Variants in SRCAP observed in about 807,000 individuals in gnomAD.
SRCAP encodes the protein chromatin remodeling protein SRCAP.
Under a neutral mutation model 263.1 loss-of-function variants are expected in SRCAP, and 46 were observed. That is an observed-to-expected ratio of 0.17 (90% CI 0.14 to 0.22). The LOEUF is 0.22. SRCAP is among the 10% of genes least tolerant of loss of function. The pLI is 1.00. For missense variants in SRCAP, 3,695 were observed against 4,181.9 expected, an observed-to-expected ratio of 0.88 and a Z score of 3.21; for synonymous variants, 1,813 against 1,662.1, an observed-to-expected ratio of 1.09 and a Z score of -2.21.
intron 18 of SRCAP, among the ~76,000 whole-genome samples, chr16:30,718,343 A>G (rs2052974252): frequency 1.3e-5 from 2 of 151,322 alleles, no homozygotes; most frequent in East Asian, 2.0e-4. Flanking sequence ...CGCCCAGCTA[A>G]TTTTTGTATT....
rs186640021 is a variant in SRCAP, at chr16:30,707,057, A to G, written c.307-126A>G. The G allele has an allele frequency of 1.2e-4, 107 of 861,670 alleles. 1 individual carries two copies. Among genetic ancestry groups the G allele is most frequent in the East Asian group, 9.2e-4 (35 of 37,906 alleles). The allele number at this position is 861,670 out of a possible 1,614,324, so 53.4% of individuals were successfully genotyped here. A position where few individuals can be genotyped will look rare whatever the true frequency, so the allele number is the denominator to read the frequency against. Reference sequence around the variant, plus strand: ...GAAGAGAGTATGATACCTGCCTGTAAGTTTGGTATGTGGACTAAACATAAG... The same window carrying G: ...GAAGAGAGTATGATACCTGCCTGTAGGTTTGGTATGTGGACTAAACATAAG... On this transcript the variant is annotated intron_variant, in intron 4 of 33. Transcript: ENST00000262518.
rs185728808 is a variant in SRCAP at position 30,717,971 on chromosome 16, C to G, written c.2817+1492C>G. On this transcript the variant is annotated intron_variant, in intron 18 of 33. Coordinates refer to ENST00000262518, the MANE Select transcript of SRCAP (RefSeq NM_006662.3). ...ATGGTGTCTTGCCATGTCGCTCAGGCTGGTTTCAAACTCCTGGACGAGTAG... is the reference window on the plus strand; with the variant it reads ...ATGGTGTCTTGCCATGTCGCTCAGGGTGGTTTCAAACTCCTGGACGAGTAG... Among the ~76,000 whole-genome samples, 199 of 150,246 alleles carry G rather than the reference C, an allele frequency of 1.3e-3. 1 individual carries two copies. The highest frequency in any genetic ancestry group is 2.5e-3 in the Non-Finnish European group (168 of 67,742).
chr16:30,722,553 C>T lies in SRCAP; in HGVS notation c.3707-10C>T, dbSNP rs2053021167. 2 of 1,613,542 alleles carry T rather than the reference C, an allele frequency of 1.2e-6. No individual in the cohort carries two copies. Among genetic ancestry groups the T allele is most frequent in the African/African-American group, 2.7e-5 (2 of 74,916 alleles). On this transcript the variant is annotated splice_polypyrimidine_tract_variant and intron_variant, in intron 22 of 33. Transcript: ENST00000262518. ...GCTTCTCTCTCTCTTTCTCTCTTCC[C>T]TTAACCCAGGGAATGTGGTGCACCT...
chr16:30,733,770 G>C lies in SRCAP; in HGVS notation c.6466G>C (p.Gly2156Arg). Residue 2156 changes from glycine to arginine, a missense_variant, in exon 29 of 34, where the codon GGC becomes CGC. By Grantham distance (125) the Gly-to-Arg change is moderately radical. This residue lies in a region of SRCAP where 138 missense variants were observed against 254.9 expected (regional missense o/e 0.54). Transcript: ENST00000262518. This position sits in a 1 kb window ranked among gnomAD's most constrained non-coding sequence, Gnocchi z 5.3. ...GGCCCAGGACCGCTGTCACCGAATTGGCCAGACCCGGGATGTCCACATATA... is the reference window on the plus strand; with the variant it reads ...GGCCCAGGACCGCTGTCACCGAATTCGCCAGACCCGGGATGTCCACATATA... ...AQAQDRCHRI[G>R]QTRDVHIYRL... is the part of the protein sequence containing the mutation. 6.2e-7 allele frequency: 1 copy of C among 1,613,958 alleles called. No homozygotes were observed. Among genetic ancestry groups the C allele is most frequent in the Non-Finnish European group, 8.5e-7 (1 of 1,179,938 alleles).
intron 25 of SRCAP, among the ~76,000 whole-genome samples, chr16:30,727,428 T>C (rs1275018100): frequency 6.6e-6 from 1 of 152,222 alleles, no homozygotes; most frequent in African/African-American, 2.4e-5. Flanking sequence ...TGTCTCACTT[T>C]GTCAATCAGG....
In SRCAP at chr16:30,733,185, G is replaced by T. The variant is rs995193847; in HGVS notation, c.6128-95G>T. 6 of 1,421,320 alleles carry T rather than the reference G, an allele frequency of 4.2e-6. No homozygotes were observed. Among genetic ancestry groups the T allele is most frequent in the African/African-American group, 2.8e-5 (2 of 70,422 alleles). 88.0% of individuals were successfully genotyped at this position (1,421,320 alleles called of 1,614,324 possible). A position where few individuals can be genotyped will look rare whatever the true frequency, so the allele number is the denominator to read the frequency against. ...AGGCTAATTGAAACTTTGGCTTAAA[G>T]CATTGATTATCTTTCAACCCCAGCC... On this transcript the variant is annotated intron_variant, in intron 27 of 33. Transcript: ENST00000262518. The surrounding 1 kb of genome is among the most constrained non-coding windows in gnomAD (Gnocchi z 5.3).
intron 25 of SRCAP, among the ~76,000 whole-genome samples, chr16:30,727,616 G>A (rs868612797): frequency 4.6e-5 from 7 of 152,200 alleles, no homozygotes; most frequent in African/African-American, 7.2e-5. Flanking sequence ...GCAGTGGTGC[G>A]ATCTCAGCTC....
intron 27 of SRCAP, among the ~76,000 whole-genome samples, chr16:30,732,146 A>G (rs2053119977): frequency 6.6e-6 from 1 of 151,622 alleles, no homozygotes; most frequent in Non-Finnish European, 1.5e-5. Context: ...CCTTGTCTCA[A>G]AAAATGAAAT....
rs1385696278 is a variant in SRCAP at position 30,713,534 on chromosome 16, C to T, written c.2316C>T (p.Leu772=). 6.2e-7 allele frequency: 1 copy of T among 1,614,000 alleles called. No individual in the cohort carries two copies. Among genetic ancestry groups the T allele is most frequent in the Non-Finnish European group, 8.5e-7 (1 of 1,180,018 alleles). Residue 772 remains leucine (L), a synonymous_variant, in exon 16 of 34, where the codon CTC becomes CTT. Coordinates refer to ENST00000262518, the MANE Select transcript of SRCAP (RefSeq NM_006662.3). ...LLNFNSQRRL[L]LTGTPLQNSL... Reference sequence around the variant, plus strand: ...CTCTTTGCAGCCAGAGACGCCTGCTCCTGACAGGAACTCCCTTGCAGAACA... The same window carrying T: ...CTCTTTGCAGCCAGAGACGCCTGCTTCTGACAGGAACTCCCTTGCAGAACA...
Position 30,729,113 on chromosome 16 carries a change from A to T in SRCAP, c.5806A>T (p.Ile1936Phe), listed in dbSNP as rs1332673870. ...CCTGCCCCAACCTGTTGCCAGCCCCATCGGCCCTCGTTCTCCTGGCCCCAG... is the reference window on the plus strand; with the variant it reads ...CCTGCCCCAACCTGTTGCCAGCCCCTTCGGCCCTCGTTCTCCTGGCCCCAG... The part of the protein sequence containing the change: ...CTLPQPVASP[I>F]GPRSPGPSHP... The change falls in exon 26 of 34, where the codon ATC becomes TTC. Residue 1936 changes from isoleucine (I) to phenylalanine (F), a missense_variant. Coordinates refer to ENST00000262518, the MANE Select transcript of SRCAP (RefSeq NM_006662.3). The T allele has an allele frequency of 6.2e-7, 1 of 1,614,176 alleles. No homozygotes were observed. Among genetic ancestry groups the T allele is most frequent in the South Asian group, 1.1e-5 (1 of 91,086 alleles).
At chr16:30,732,027 C>T (rs2053118922) in intron 27 of SRCAP, among the ~76,000 whole-genome samples, 1 of 151,840 alleles carries the variant, frequency 6.6e-6, no homozygotes, top group Admixed American at 6.6e-5. Flanking sequence ...CGCCTGTAGT[C>T]CAAACTACTT....
At chr16:30,703,821 C>T (rs971953482) in intron 3 of SRCAP, among the ~76,000 whole-genome samples, 6 of 151,998 alleles carry the variant, frequency 3.9e-5, no homozygotes, top group African/African-American at 7.2e-5. Context: ...GGCATGAACC[C>T]GGGAGGCGGA....
chr16:30,724,021 C>T lies in SRCAP; in HGVS notation c.4597C>T (p.His1533Tyr). ...HPLLLAPTSSHVPGLNSTVAP... is the reference protein window; with the variant it reads ...HPLLLAPTSSYVPGLNSTVAP... ...TCTGTTGTTGGCTCCCACCTCTTCA[C>T]ATGTTCCAGGGTTGAACTCAACCGT... Residue 1533 changes from histidine to tyrosine, a missense_variant, in exon 25 of 34, where the codon CAT becomes TAT. This residue lies in a region of SRCAP where 1,347 missense variants were observed against 1,304.4 expected (regional missense o/e 1.03). Transcript: ENST00000262518. 1 of 1,614,032 alleles carries T rather than the reference C, an allele frequency of 6.2e-7. No homozygotes were observed. Among genetic ancestry groups the T allele is most frequent in the Non-Finnish European group, 8.5e-7 (1 of 1,180,024 alleles).
intron 31 of SRCAP, 124 bp from the exon 32 acceptor site, chr16:30,736,076 T>C: frequency 9.0e-7 from 1 of 1,108,372 alleles, no homozygotes; most frequent in Non-Finnish European, 1.3e-6. Flanking sequence ...CCTAGGAGGT[T>C]GTTGAGTTCT....
At chr16:30,713,753 G>A (rs1466229753) in intron 16 of SRCAP, 42 bp downstream of exon 16, 1 of 1,584,086 alleles carries the variant, frequency 6.3e-7, no homozygotes, top group Non-Finnish European at 8.6e-7. Context: ...GGAATGGTAA[G>A]GAACCATTCC....
Position 30,737,838 on chromosome 16 carries a change from C to A in SRCAP, c.7798C>A (p.Leu2600Ile). The change falls in exon 34 of 34, where the codon CTT becomes ATT. Residue 2600 changes from leucine (L) to isoleucine (I), a missense_variant. Leu to Ile is a conservative substitution (Grantham distance 5, BLOSUM62 2). Coordinates refer to ENST00000262518, the MANE Select transcript of SRCAP (RefSeq NM_006662.3). ...GATCCTGCCTGTGTCAGAGAAGAACCTTTCTCTCACCCCTTCTGCACCCAG... is the reference window on the plus strand; with the variant it reads ...GATCCTGCCTGTGTCAGAGAAGAACATTTCTCTCACCCCTTCTGCACCCAG... ...VEILPVSEKNLSLTPSAPSLT... is the reference protein window; with the variant it reads ...VEILPVSEKNISLTPSAPSLT... 5.0e-6 allele frequency: 8 copies of A among 1,614,160 alleles called. No homozygotes were observed. Among genetic ancestry groups the A allele is most frequent in the Non-Finnish European group, 5.9e-6 (7 of 1,180,044 alleles).
At position 30,721,498 on chromosome 16, in the gene SRCAP, GT is replaced by G. The variant is rs772064686; in HGVS notation, c.3541+23del. The G allele has an allele frequency of 2.9e-5, 47 of 1,601,624 alleles. 1 individual carries two copies. Among genetic ancestry groups the G allele is most frequent in the Non-Finnish European group, 1.3e-5 (15 of 1,177,196 alleles). On this transcript the variant is annotated intron_variant, in intron 21 of 33. Transcript: ENST00000262518. The stretch of plus-strand genomic sequence containing the variant: ...CCCTGTAAGTTCCCAGGGCTCTGTG[GT>G]GAGGGACTTGAGATGGGAGGAAAGC...
rs1322050426 is a variant in SRCAP at position 30,721,305 on chromosome 16, T to C, written c.3370T>C (p.Ser1124Pro). The C allele has an allele frequency of 6.8e-6, 11 of 1,614,044 alleles. No homozygotes were observed. Among genetic ancestry groups the C allele is most frequent in the Non-Finnish European group, 9.3e-6 (11 of 1,179,992 alleles). The change falls in exon 21 of 34, where the codon TCC becomes CCC. Residue 1124 changes from serine (S) to proline (P), a missense_variant. Ser to Pro is a moderately conservative substitution (Grantham distance 74, BLOSUM62 -1). Transcript: ENST00000262518. ...CCTGAGCCCAGCCCCACCTCCAGGCTCCTCTAGCCTGTTGAAGCCCCTGAC... is the reference window on the plus strand; with the variant it reads ...CCTGAGCCCAGCCCCACCTCCAGGCCCCTCTAGCCTGTTGAAGCCCCTGAC... ...VRLSPAPPPGSSSLLKPLTVP... is the reference protein window; with the variant it reads ...VRLSPAPPPGPSSLLKPLTVP...
At chr16:30,728,844 A>G in intron 25 of SRCAP, 122 bp from the exon 26 acceptor site, 2 of 1,206,452 alleles carry the variant, frequency 1.7e-6, no homozygotes, top group Non-Finnish European at 2.2e-6. Flanking sequence ...AAACTACAAA[A>G]AGCATAGTGT....
Sources: gnomAD v4.1 joint callset for allele counts (sites outside exome capture counted in the v4.1 genomes callset) on GRCh38, gnomAD v4.1.1 for gene constraint, gnomAD v4.1.1 regional missense constraint, Gnocchi (gnomAD v3.1) non-coding constraint, MANE v1.5 for transcripts, NCBI Gene and HGNC (gene_info 2026-07-23, HGNC 2026-07-21) for gene names.